Variants in QRICH2 observed in about 807,000 individuals in gnomAD.
The protein encoded by QRICH2 is glutamine rich 2.
QRICH2 carries 119 observed loss-of-function variants against 168.3 expected under a neutral mutation model. The ratio of observed to expected loss-of-function variants is 0.71; its 90% CI spans 0.61 to 0.82. The LOEUF (loss-of-function observed/expected upper bound fraction) is 0.82, where lower values mean the gene tolerates loss of function less well. Among genes scored for constraint, QRICH2 ranks in the 40% least tolerant of loss-of-function variants. The pLI is 0.00. For missense variants in QRICH2, 2,241 were observed against 2,491.6 expected, an observed-to-expected ratio of 0.90 and a Z score of 2.14; for synonymous variants, 894 against 951.2, an observed-to-expected ratio of 0.94 and a Z score of 1.11.
intron 3 of QRICH2, 71 bp from the exon 4 acceptor site, chr17:76,294,092 C>A (rs778698776): frequency 6.6e-7 from 1 of 1,513,158 alleles, no homozygotes; most frequent in South Asian, 1.3e-5. Flanking sequence ...GAAAGGAAAT[C>A]TGGAAGTTCT....
chr17:76,287,043 A>AACAC (rs56258903), intron 7 of QRICH2, 149 bp downstream of exon 7: 2,964 of 202,128 alleles, frequency 0.015, 15 homozygotes, highest in South Asian at 0.022. Flanking sequence ...CACACCACAT[A>AACAC]ACACACACAC....
In QRICH2 at chr17:76,307,601, T is replaced by G. The variant is rs983085432; in HGVS notation, c.398A>C (p.His133Pro). The G allele has an allele frequency of 9.1e-6, 14 of 1,544,304 alleles. No individual in the cohort carries two copies. The African/African-American group carries it at 1.6e-4, about 18-fold the overall frequency. Residue 133 changes from histidine (H) to proline (P), a missense_variant, in exon 1 of 19, where the codon CAC becomes CCC. Transcript: ENST00000680821. The surrounding 1 kb of genome is among the most constrained non-coding windows in gnomAD (Gnocchi z 5.3). ...GTCAAGCCCGCTGGCCTGGGAGAAG[T>G]GCTGCACGTGCGTGGCGATGCCCTG... Reference protein sequence around the residue: ...QVQGIATHVQHFSQASGLDLA... With the variant: ...QVQGIATHVQPFSQASGLDLA...
rs917829303 is a variant in QRICH2, at chr17:76,282,830, A to G, written c.4012-715T>C. 2.0e-5 allele frequency among the ~76,000 whole-genome samples: 3 copies of G among 152,342 alleles called. 1 individual carries two copies. The highest frequency in any genetic ancestry group is 6.8e-3 in the Middle Eastern group (2 of 294). ...TGGCTCAAAAAGAGAGGCTGGGCCA[A>G]CCTGGGCTCCTCTCTGGGGAGTGGG... On this transcript the variant is annotated intron_variant, in intron 7 of 18. Transcript: ENST00000680821.
In QRICH2 at chr17:76,287,263, C is replaced by T. The variant is rs370490659; in HGVS notation, c.3940G>A (p.Glu1314Lys). ...GCAGCCTTGCCCCTGTCTTGGCTCT[C>T]CCTCAACTCGGCCAGCTCCTTTTCT... ...DIEKELAELRESQDRGKAAME... is the reference protein window; with the variant it reads ...DIEKELAELRKSQDRGKAAME... The change falls in exon 7 of 19, where the codon GAG (glutamate) becomes AAG (lysine). Residue 1314 changes from glutamate (E) to lysine (K), a missense_variant. Glu to Lys is a moderately conservative substitution (Grantham distance 56). This residue lies in a region of QRICH2 where 2,047 missense variants were observed against 2,303.8 expected (regional missense o/e 0.89). Transcript: ENST00000680821. The T allele has an allele frequency of 5.5e-5, 88 of 1,613,914 alleles. 1 individual carries two copies. The highest frequency in any genetic ancestry group is 7.5e-5 in the Non-Finnish European group (88 of 1,179,972).
intron 7 of QRICH2, among the ~76,000 whole-genome samples, chr17:76,283,110 C>T (rs917792466): frequency 6.6e-6 from 1 of 152,206 alleles, no homozygotes; most frequent in Admixed American, 6.5e-5. Flanking sequence ...ATCCTCTTGC[C>T]TGGGCTCACA....
At chr17:76,278,325 C>G in intron 14 of QRICH2, 136 bp from the exon 15 acceptor site, 1 of 774,494 alleles carries the variant, frequency 1.3e-6, no homozygotes, top group Non-Finnish European at 2.1e-6. Flanking sequence ...CAGCTTGACC[C>G]CTCAGCAGTA....
chr17:76,304,280 A>C, intron 3 of QRICH2, 135 bp downstream of exon 3: 1 of 608,442 alleles, frequency 1.6e-6, no homozygotes. Context: ...GATTGGAAAA[A>C]GCATTTAAAA....
intron 3 of QRICH2, among the ~76,000 whole-genome samples, chr17:76,303,461 C>G (rs931231464): frequency 5.9e-5 from 9 of 152,122 alleles, no homozygotes; most frequent in Non-Finnish European, 1.0e-4. Flanking sequence ...TCTTTGAGGG[C>G]CATTTGAATA....
chr17:76,279,051 G>T lies in QRICH2; in HGVS notation c.4906C>A (p.His1636Asn). 1 of 1,613,694 alleles carries T rather than the reference G, an allele frequency of 6.2e-7. No individual in the cohort carries two copies. The change falls in exon 14 of 19, where the codon CAT (histidine) becomes AAT (asparagine). Residue 1636 changes from histidine to asparagine, a missense_variant. By Grantham distance (68) the His-to-Asn change is moderately conservative (BLOSUM62 1). Transcript: ENST00000680821. ...TGTCCCATAGCATACTTGCGGCTATGCTGCCGGACCTGCTCCAGTTCAAAC... is the reference window on the plus strand; with the variant it reads ...TGTCCCATAGCATACTTGCGGCTATTCTGCCGGACCTGCTCCAGTTCAAAC... ...TVFELEQVRQ[H>N]SRNLKLGSAF... is the part of the protein sequence containing the mutation.
chr17:76,304,104 C>A (rs1446084714), intron 3 of QRICH2, among the ~76,000 whole-genome samples: 1 of 152,042 alleles, frequency 6.6e-6, no homozygotes, highest in Non-Finnish European at 1.5e-5. Context: ...AACCATACAG[C>A]GCTGGGGGGA....
Position 76,307,746 on chromosome 17 carries a change from G to A in QRICH2, c.253C>T (p.Arg85Trp), listed in dbSNP as rs1396512602. The part of the protein sequence containing the change: ...APKEVPKGAP[R>W]EKRRGVGQAP... ...TGGCCCACGCCCCTGCGCTTCTCCC[G>A]GGGCGCCCCCTTGGGCACCTCCTTG... Residue 85 changes from arginine to tryptophan, a missense_variant, in exon 1 of 19, where the codon CGG (arginine) becomes TGG (tryptophan). Physicochemically the swap from Arg to Trp is moderately radical, Grantham distance 101 (BLOSUM62 -3). Transcript: ENST00000680821. This position sits in a 1 kb window ranked among gnomAD's most constrained non-coding sequence, Gnocchi z 5.3. 12 of 1,381,820 alleles carry A rather than the reference G, an allele frequency of 8.7e-6. No individual in the cohort carries two copies. Among genetic ancestry groups the A allele is most frequent in the Non-Finnish European group, 1.9e-6 (2 of 1,071,720 alleles). The allele number at this position is 1,381,820 out of a possible 1,614,324, so 85.6% of individuals were successfully genotyped here.
chr17:76,308,399 C>G (rs555152189), upstream of QRICH2: 1 of 985,410 alleles, frequency 1.0e-6, no homozygotes, highest in South Asian at 4.7e-5. Context: ...TGGCAACGGG[C>G]TGAGGAGGCC....
chr17:76,293,364 A>G lies in QRICH2; in HGVS notation c.1363T>C (p.Leu455=). The G allele has an allele frequency of 2.5e-6, 4 of 1,614,200 alleles. No individual in the cohort carries two copies. Among genetic ancestry groups the G allele is most frequent in the Non-Finnish European group, 2.5e-6 (3 of 1,180,036 alleles). Residue 455 remains leucine, a synonymous_variant, in exon 4 of 19, where the codon TTG becomes CTG. Coordinates refer to ENST00000680821, the MANE Select transcript of QRICH2 (RefSeq NM_001388453.1). ...TGTTGGTCTGTGCTAGGTAGTTCCA[A>G]TCCTTGCTGGTCTCTGCCAGGTACT... ...PSVPGRDQQG[L]ELPSTDQHGL...
rs956593891 is a variant in QRICH2 at position 76,307,520 on chromosome 17, C to G, written c.479G>C (p.Arg160Thr). The G allele has an allele frequency of 9.9e-6, 16 of 1,611,898 alleles. No homozygotes were observed. Among genetic ancestry groups the G allele is most frequent in the Non-Finnish European group, 1.4e-5 (16 of 1,179,154 alleles). ...EQEVGVRAFD[R>T]VRTGSIMKDA... ...CTTCATGATACTCCCAGTCCGCACC[C>G]TATCGAACGCCCGCACGCCCACCTC... Residue 160 changes from arginine (R) to threonine (T), a missense_variant, in exon 1 of 19, where the codon AGG becomes ACG. Arg to Thr is a moderately conservative substitution (Grantham distance 71). Coordinates refer to ENST00000680821, the MANE Select transcript of QRICH2 (RefSeq NM_001388453.1). The surrounding 1 kb of genome is among the most constrained non-coding windows in gnomAD (Gnocchi z 5.3).
At chr17:76,277,720 CCA>C (rs904727088) in intron 15 of QRICH2, among the ~76,000 whole-genome samples, 3 of 151,864 alleles carry the variant, frequency 2.0e-5, no homozygotes, top group African/African-American at 7.3e-5. Context: ...ACTCAAACAC[CCA>C]CACTCACGCA....
chr17:76,275,433 T>A (rs1044842485), intron 18 of QRICH2, among the ~76,000 whole-genome samples: 3 of 151,886 alleles, frequency 2.0e-5, no homozygotes, highest in Non-Finnish European at 4.4e-5. Context: ...CAGAGAGAGG[T>A]TCCTCCATGA....
At chr17:76,277,709 TACTC>T (rs746456056) in intron 15 of QRICH2, among the ~76,000 whole-genome samples, 38 of 151,230 alleles carry the variant, frequency 2.5e-4, no homozygotes, top group East Asian at 1.4e-3. Context: ...TGCACACACA[TACTC>T]AAACACCCAC....
rs149886354 is a variant in QRICH2, at chr17:76,293,988, C to T, written c.739G>A (p.Gly247Arg). 1.3e-5 allele frequency: 21 copies of T among 1,610,542 alleles called. No homozygotes were observed. Among genetic ancestry groups the T allele is most frequent in the East Asian group, 8.9e-5 (4 of 44,800 alleles). Reference protein sequence around the residue: ...SETLMGFSKHGGFTSLTSPEG... With the variant: ...SETLMGFSKHRGFTSLTSPEG... Reference sequence around the variant, plus strand: ...GGTGATGTTAAGGAAGTGAACCCTCCGTGCTTAGAAAATCCCATAAGTGTT... The same window carrying T: ...GGTGATGTTAAGGAAGTGAACCCTCTGTGCTTAGAAAATCCCATAAGTGTT... Residue 247 changes from glycine to arginine, a missense_variant, in exon 4 of 19, where the codon GGA becomes AGA. Transcript: ENST00000680821.
rs779027627 is a variant in QRICH2 at position 76,291,687 on chromosome 17, G to A, written c.3040C>T (p.Pro1014Ser). The A allele has an allele frequency of 6.2e-7, 1 of 1,614,182 alleles. No individual in the cohort carries two copies. Among genetic ancestry groups the A allele is most frequent in the Non-Finnish European group, 8.5e-7 (1 of 1,180,036 alleles). The change falls in exon 4 of 19, where the codon CCT becomes TCT. Residue 1014 changes from proline to serine, a missense_variant. Around this residue, in one of 3 missense-constraint regions of QRICH2, gnomAD observed 2,047 missense variants for 2,303.8 expected, o/e 0.89. Transcript: ENST00000680821. Reference sequence around the variant, plus strand: ...ACCTGGCCGTATTGTTCTCTGCCAGGAGGTACCATACCATGTTGATATGGA... The same window carrying A: ...ACCTGGCCGTATTGTTCTCTGCCAGAAGGTACCATACCATGTTGATATGGA... Reference protein sequence around the residue: ...VRPYQHGMVPPGREQYGQVSP... With the variant: ...VRPYQHGMVPSGREQYGQVSP...
Sources: allele counts gnomAD v4.1 joint callset (sites outside exome capture counted in the v4.1 genomes callset), GRCh38; gene constraint gnomAD v4.1.1; regional missense constraint gnomAD v4.1.1; non-coding constraint Gnocchi (gnomAD v3.1); transcripts MANE v1.5; gene names NCBI Gene and HGNC (gene_info 2026-07-23, HGNC 2026-07-21).